Variants in PCDHGA2 observed in about 807,000 individuals in gnomAD.
PCDHGA2 encodes protocadherin gamma-A2.
A neutral mutation model predicts 59.2 loss-of-function variants in PCDHGA2; 40 were observed. That is an observed-to-expected ratio of 0.68 (90% CI 0.52 to 0.88). PCDHGA2 has a LOEUF of 0.88. PCDHGA2 is among the 40% of genes least tolerant of loss of function. The pLI is 0.00. For missense variants in PCDHGA2, 1,226 were observed against 1,204.0 expected (o/e 1.02, Z -0.27); for synonymous variants, 560 against 526.0 (o/e 1.06, Z -0.89).
intron 1 of PCDHGA2, among the ~76,000 whole-genome samples, chr5:141,465,984 T>C (rs11953841): frequency 0.18 from 27,399 of 151,848 alleles, 2,640 homozygotes; most frequent in Admixed American, 0.28. Context: ...TAGCCGGGCA[T>C]GGTGGCAGGC....
chr5:141,389,814 G>T, intron 1 of PCDHGA2: 3 of 1,613,868 alleles, frequency 1.9e-6, no homozygotes, highest in Non-Finnish European at 2.5e-6. Flanking sequence ...TCTGGTCGCC[G>T]TGCGTGACGG....
chr5:141,418,579 A>G (rs1561774780), intron 1 of PCDHGA2: 1 of 1,614,000 alleles, frequency 6.2e-7, no homozygotes, highest in Admixed American at 1.7e-5. Flanking sequence ...ACAACCCCCC[A>G]GTGTTCAGCC....
intron 1 of PCDHGA2, chr5:141,395,876 T>C (rs1175297322): frequency 6.6e-6 from 1 of 152,090 alleles, no homozygotes; most frequent in Non-Finnish European, 1.5e-5. Context: ...AGTATGTGAG[T>C]CAGTGGTCAC....
chr5:141,364,231 C>T, intron 1 of PCDHGA2: 1 of 1,392,326 alleles, frequency 7.2e-7, no homozygotes, highest in Non-Finnish European at 9.6e-7. Flanking sequence ...CAACGCTCCA[C>T]GCCCATTTTC....
Position 141,489,764 on chromosome 5 carries a change from A to G in PCDHGA2, c.2425-5043A>G. ...GTGAGCTTTTACACTCTAAGCCCCA[A>G]CAGCCACTTCTCTCTGAATGTGAAG... is the stretch of plus-strand genomic sequence containing the variant. On this transcript the variant is annotated intron_variant, in intron 1 of 3. Transcript: ENST00000394576. The surrounding 1 kb of genome is among the most constrained non-coding windows in gnomAD (Gnocchi z 4.5). 2 of 1,613,556 alleles carry G rather than the reference A, an allele frequency of 1.2e-6. No homozygotes were observed. The highest frequency in any genetic ancestry group is 1.7e-6 in the Non-Finnish European group (2 of 1,179,894).
intron 1 of PCDHGA2, chr5:141,390,100 C>A (rs2092045935): frequency 1.2e-6 from 2 of 1,614,060 alleles, no homozygotes; most frequent in Non-Finnish European, 1.7e-6. Context: ...GTGGTTCCCC[C>A]CAACTACAGC....
intron 1 of PCDHGA2, among the ~76,000 whole-genome samples, chr5:141,438,396 A>T (rs1026490705): frequency 6.6e-6 from 1 of 150,930 alleles, no homozygotes. Context: ...TTCATCATTA[A>T]CTCTCTGAAG....
chr5:141,417,923 C>T, intron 1 of PCDHGA2: 1 of 1,608,652 alleles, frequency 6.2e-7, no homozygotes, highest in Non-Finnish European at 8.5e-7. Context: ...TCCTTTGCTG[C>T]TGCCTTTGTT....
chr5:141,340,254 G>A lies in PCDHGA2; in HGVS notation c.1283G>A (p.Gly428Glu), dbSNP rs749043361. Reference sequence around the variant, plus strand: ...ATCACTCTAACCGCTAAAGATGGAGGGAACCCCTCCCTGTCCACGGATGCT... The same window carrying A: ...ATCACTCTAACCGCTAAAGATGGAGAGAACCCCTCCCTGTCCACGGATGCT... ...YNITLTAKDG[G>E]NPSLSTDAHI... Residue 428 changes from glycine (G) to glutamate (E), a missense_variant, in exon 1 of 4, where the codon GGG becomes GAG. By Grantham distance (98) the Gly-to-Glu change is moderately conservative (BLOSUM62 -2). Transcript: ENST00000394576. 1 of 1,614,106 alleles carries A rather than the reference G, an allele frequency of 6.2e-7. No individual in the cohort carries two copies. Among genetic ancestry groups the A allele is most frequent in the Admixed American group, 1.7e-5 (1 of 60,008 alleles).
At chr5:141,404,675 G>A (rs1048688884) in intron 1 of PCDHGA2, 2 of 1,614,200 alleles carry the variant, frequency 1.2e-6, no homozygotes, top group Non-Finnish European at 1.7e-6. Flanking sequence ...TTCTACTGGT[G>A]TGGAGCTGGC....
At chr5:141,375,246 G>C in intron 1 of PCDHGA2, 1 of 1,613,930 alleles carries the variant, frequency 6.2e-7, no homozygotes, top group South Asian at 1.1e-5. Flanking sequence ...TCCATCCCGA[G>C]AAGTCTCCCA....
At chr5:141,420,291 G>A in intron 1 of PCDHGA2, 1 of 1,494,346 alleles carries the variant, frequency 6.7e-7, no homozygotes, top group Non-Finnish European at 9.0e-7. Context: ...ATTTAAAAAT[G>A]TATTTAATCC....
chr5:141,352,459 C>T (rs1408846500), intron 1 of PCDHGA2: 3 of 1,613,914 alleles, frequency 1.9e-6, no homozygotes, highest in East Asian at 4.5e-5. Context: ...AGTCTGGGCC[C>T]GGGGTTCCTC....
Position 141,512,836 on chromosome 5 carries a change from T to G in PCDHGA2, c.*1663T>G, listed in dbSNP as rs1024777792. On this transcript the variant is annotated 3_prime_UTR_variant, in exon 4 of 4. Transcript: ENST00000394576. ...GGCGACCCCCTCCCCCGTACTGACTTCTCCTATAAGCGCTTCTCTTCGCAT... is the reference window on the plus strand; with the variant it reads ...GGCGACCCCCTCCCCCGTACTGACTGCTCCTATAAGCGCTTCTCTTCGCAT... 2 of 152,222 alleles carry G rather than the reference T, an allele frequency of 1.3e-5. No homozygotes were observed. Among genetic ancestry groups the G allele is most frequent in the African/African-American group, 4.8e-5 (2 of 41,412 alleles). The allele number at this position is 152,222 out of a possible 1,614,324, so 9.4% of individuals were successfully genotyped here. A position where few individuals can be genotyped will look rare whatever the true frequency, so the allele number is the denominator to read the frequency against.
chr5:141,398,711 C>T, intron 1 of PCDHGA2: 2 of 1,613,822 alleles, frequency 1.2e-6, no homozygotes, highest in South Asian at 1.1e-5. Context: ...CCGGAACTGG[C>T]ACTGGAGAAA....
At chr5:141,360,809 C>T (rs745788999) in intron 1 of PCDHGA2, 7 of 1,613,800 alleles carry the variant, frequency 4.3e-6, no homozygotes, top group African/African-American at 2.7e-5. Flanking sequence ...CAAAGTGGCA[C>T]GACCCAAATC....
intron 1 of PCDHGA2, among the ~76,000 whole-genome samples, chr5:141,466,387 A>G (rs1312030857): frequency 1.3e-5 from 2 of 152,108 alleles, no homozygotes; most frequent in Non-Finnish European, 2.9e-5. Flanking sequence ...CATCTAATGG[A>G]AAGTTTGCTC....
chr5:141,393,108 A>G (rs1318511234), intron 1 of PCDHGA2: 6 of 1,613,438 alleles, frequency 3.7e-6, no homozygotes, highest in Non-Finnish European at 5.1e-6. Context: ...CTGCGCTCAG[A>G]GCCCGCGGTG....
rs182104750 is a variant in PCDHGA2 at position 141,376,315 on chromosome 5, A to C, written c.2424+34920A>C. 8.5e-4 allele frequency: 1,369 copies of C among 1,614,156 alleles called. 7 individuals are homozygous for C. The Middle Eastern group carries it at 0.016, about 18-fold the overall frequency. On this transcript the variant is annotated intron_variant, in intron 1 of 3. Coordinates refer to ENST00000394576, the MANE Select transcript of PCDHGA2 (RefSeq NM_018915.4). ...CCGGCTCGCACTTTGTGGGCGTGGA[A>C]GGGGTTCGGGCTTTCCTGCAGACCT...
Sources: allele counts gnomAD v4.1 joint callset (sites outside exome capture counted in the v4.1 genomes callset), GRCh38; gene constraint gnomAD v4.1.1; non-coding constraint Gnocchi (gnomAD v3.1); transcripts MANE v1.5; gene names NCBI Gene and HGNC (gene_info 2026-07-23, HGNC 2026-07-21).